HNRNPM: variants seen among roughly 807,000 people sequenced by gnomAD.
The protein encoded by HNRNPM is CEA receptor.
In HNRNPM, 11 loss-of-function variants were observed where a neutral mutation model predicts 73.1. That is an observed-to-expected ratio of 0.15 (90% confidence interval 0.09 to 0.25). The LOEUF is 0.25. Among genes scored for constraint, HNRNPM ranks in the 10% least tolerant of loss-of-function variants. HNRNPM has a pLI of 1.00. For missense variants in HNRNPM, 789 were observed against 1,067.9 expected (o/e 0.74, Z 3.64); for synonymous variants, 407 against 355.2 (o/e 1.15, Z -1.64).
chr19:8,457,425 C>T (rs1313849227), intron 2 of HNRNPM, among the ~76,000 whole-genome samples: 2 of 152,150 alleles, frequency 1.3e-5, no homozygotes, highest in Non-Finnish European at 2.9e-5. Flanking sequence ...CATACTGCTA[C>T]GAATGCCTGG....
intron 1 of HNRNPM, among the ~76,000 whole-genome samples, chr19:8,453,215 C>A (rs1285067138): frequency 6.6e-6 from 1 of 152,140 alleles, no homozygotes. Flanking sequence ...GGTCTCAGCT[C>A]ACTGCAACCT....
chr19:8,476,163 T>C (rs561923543), intron 12 of HNRNPM, among the ~76,000 whole-genome samples: 32 of 152,122 alleles, frequency 2.1e-4, no homozygotes, highest in African/African-American at 7.0e-4. Context: ...TGGAGTGTGT[T>C]TTCCTAGACT....
intron 10 of HNRNPM, among the ~76,000 whole-genome samples, chr19:8,473,333 C>A (rs980376908): frequency 6.6e-6 from 1 of 152,026 alleles, no homozygotes; most frequent in Non-Finnish European, 1.5e-5. Flanking sequence ...TGGTAGCAGG[C>A]GCCTGTAATC....
At chr19:8,479,134 G>A (rs1189927617) in intron 12 of HNRNPM, among the ~76,000 whole-genome samples, 2 of 134,532 alleles carry the variant, frequency 1.5e-5, no homozygotes, top group South Asian at 2.4e-4. Flanking sequence ...TGCCCAGGCT[G>A]GAGTGCAATG....
rs867417810 is a variant in HNRNPM, at chr19:8,445,008, G to A, written c.10G>A (p.Gly4Arg). ...CCCAGACGCGGAGAAAATGGCGGCA[G>A]GGGTCGAAGCGGCGGCGGAGGTGGC... MAA[G>R]VEAAAEVAAT... is the part of the protein sequence containing the mutation. The change falls in exon 1 of 16, where the codon GGG becomes AGG. Residue 4 changes from glycine (G) to arginine (R), a missense_variant. Coordinates refer to ENST00000325495, the MANE Select transcript of HNRNPM (RefSeq NM_005968.5). The A allele has an allele frequency of 1.1e-5, 16 of 1,423,348 alleles. No homozygotes were observed. The Middle Eastern group carries it at 1.5e-3, about 138-fold the overall frequency. 88.2% of individuals were successfully genotyped at this position (1,423,348 alleles called of 1,614,324 possible).
intron 12 of HNRNPM, among the ~76,000 whole-genome samples, chr19:8,479,462 C>T (rs1316201284): frequency 6.6e-6 from 1 of 152,048 alleles, no homozygotes; most frequent in Non-Finnish European, 1.5e-5. Flanking sequence ...TCCTTCAGCT[C>T]ATCAGAGGGG....
At position 8,486,380 on chromosome 19, in the gene HNRNPM, A is replaced by G; in HGVS notation, c.1952A>G (p.Lys651Arg). ...AGGHAPGVAR[K>R]ACQIFVRNLP... ...GGCCATGCTCCTGGGGTGGCCAGGAAGGCCTGCCAGATATTTGTGAGAAAT... is the reference window on the plus strand; with the variant it reads ...GGCCATGCTCCTGGGGTGGCCAGGAGGGCCTGCCAGATATTTGTGAGAAAT... The change falls in exon 14 of 16, where the codon AAG becomes AGG. Residue 651 changes from lysine (K) to arginine (R), a missense_variant. Lys to Arg is a conservative substitution (Grantham distance 26). This residue lies in a region of HNRNPM where 604 missense variants were observed against 744.0 expected (regional missense o/e 0.81). Transcript: ENST00000325495. The G allele has an allele frequency of 6.4e-7, 1 of 1,571,942 alleles. No individual in the cohort carries two copies. The highest frequency in any genetic ancestry group is 8.6e-7 in the Non-Finnish European group (1 of 1,165,580).
chr19:8,489,108 C>G lies in HNRNPM; in HGVS notation c.*254C>G. The G allele has an allele frequency of 2.7e-6, 1 of 375,668 alleles. No homozygotes were observed. 23.3% of individuals were successfully genotyped at this position (375,668 alleles called of 1,614,324 possible). On this transcript the variant is annotated 3_prime_UTR_variant, in exon 16 of 16. Transcript: ENST00000325495. ...TGACTTTGATAATAAATACCGGTTC[C>G]TGAAAACGGCCTGCTTGTGTGTGCT...
chr19:8,487,642 A>G (rs1971409158), intron 15 of HNRNPM: 1 of 154,736 alleles, frequency 6.5e-6, no homozygotes, highest in African/African-American at 2.4e-5. Context: ...CCCACCCCGC[A>G]TGCACCACCT....
At chr19:8,467,615 A>T in intron 8 of HNRNPM, 31 bp downstream of exon 8, 1 of 1,501,818 alleles carries the variant, frequency 6.7e-7, no homozygotes, top group Non-Finnish European at 9.3e-7. Context: ...TCTGTGATAT[A>T]CTCAAGTCTA....
At chr19:8,466,782 C>T (rs924316955) in intron 7 of HNRNPM, among the ~76,000 whole-genome samples, 5 of 134,900 alleles carry the variant, frequency 3.7e-5, no homozygotes, top group Admixed American at 8.3e-5. Flanking sequence ...GCCGAGATTG[C>T]GCCACTGCAC....
At chr19:8,466,917 T>G (rs67296634) in intron 7 of HNRNPM, among the ~76,000 whole-genome samples, 39,947 of 148,958 alleles carry the variant, frequency 0.27, 6,421 homozygotes, top group Non-Finnish European at 0.36. Flanking sequence ...AACATGGGCA[T>G]ATGCCCATGA....
At chr19:8,455,618 C>A in intron 2 of HNRNPM, 44 bp downstream of exon 2, 2 of 1,516,056 alleles carry the variant, frequency 1.3e-6, no homozygotes, top group South Asian at 2.3e-5. Flanking sequence ...GTTGGTGTGT[C>A]ATCTTTTCTG....
In HNRNPM at chr19:8,473,649, C is replaced by T. The variant is rs374774628; in HGVS notation, c.998-15C>T. On this transcript the variant is annotated splice_polypyrimidine_tract_variant and intron_variant, in intron 10 of 15. Transcript: ENST00000325495. ...TTGACATAATTTTAGTTTGCATTGA[C>T]TTTTTCTTTTTAAGGAATGGGAATG... 6.6e-5 allele frequency: 101 copies of T among 1,533,290 alleles called. No homozygotes were observed. Among genetic ancestry groups the T allele is most frequent in the Non-Finnish European group, 8.5e-5 (95 of 1,111,534 alleles). The allele number at this position is 1,533,290 out of a possible 1,614,324, so 95.0% of individuals were successfully genotyped here.
intron 9 of HNRNPM, among the ~76,000 whole-genome samples, chr19:8,470,106 G>T (rs1429614429): frequency 6.6e-6 from 1 of 152,212 alleles, no homozygotes; most frequent in African/African-American, 2.4e-5. Flanking sequence ...GGAGCACACT[G>T]CTCCAGGGAG....
chr19:8,450,817 C>A (rs112447628), intron 1 of HNRNPM, among the ~76,000 whole-genome samples: 1 of 150,514 alleles, frequency 6.6e-6, no homozygotes. Context: ...CTCCGCCTCC[C>A]GTTCAAGTGA....
chr19:8,460,302 T>C (rs1270731609), intron 2 of HNRNPM, among the ~76,000 whole-genome samples: 1 of 152,224 alleles, frequency 6.6e-6, no homozygotes, highest in Non-Finnish European at 1.5e-5. Flanking sequence ...TAGGAAAGTA[T>C]GAATTAGCAG....
chr19:8,472,462 C>A (rs1282613687), intron 10 of HNRNPM, among the ~76,000 whole-genome samples: 1 of 152,092 alleles, frequency 6.6e-6, no homozygotes, highest in Non-Finnish European at 1.5e-5. Context: ...GTTAACGTTT[C>A]CCCCGACCCA....
rs1484556276 is a variant in HNRNPM at position 8,462,255 on chromosome 19, A to G, written c.284-274A>G. ...AGATTTGGATTGCCTCTAGTCATGA[A>G]TGAGTCTTCCAGACAGGGAAATTGA... On this transcript the variant is annotated intron_variant, in intron 2 of 15. Coordinates refer to ENST00000325495, the MANE Select transcript of HNRNPM (RefSeq NM_005968.5). This position sits in a 1 kb window ranked among gnomAD's most constrained non-coding sequence, Gnocchi z 4.5. 2 of 417,152 alleles carry G rather than the reference A, an allele frequency of 4.8e-6. No homozygotes were observed. Among genetic ancestry groups the G allele is most frequent in the African/African-American group, 2.0e-5 (1 of 50,652 alleles). The allele number at this position is 417,152 out of a possible 1,614,324, so 25.8% of individuals were successfully genotyped here.
Sources: allele counts gnomAD v4.1 joint callset (sites outside exome capture counted in the v4.1 genomes callset), GRCh38; gene constraint gnomAD v4.1.1; regional missense constraint gnomAD v4.1.1; non-coding constraint Gnocchi (gnomAD v3.1); transcripts MANE v1.5; gene names NCBI Gene and HGNC (gene_info 2026-07-23, HGNC 2026-07-21).